ALK: variants seen among roughly 807,000 people sequenced by gnomAD.
ALK encodes the protein ALK tyrosine kinase receptor.
A neutral mutation model predicts 163.1 loss-of-function variants in ALK; 74 were observed. That is an observed-to-expected ratio of 0.45 (90% CI 0.38 to 0.55). The LOEUF (loss-of-function observed/expected upper bound fraction) is 0.55. Ranked by LOEUF, ALK falls within the 20% of genes least tolerant of loss-of-function variation. ALK has a pLI of 0.00. For synonymous variants in ALK, 960 were observed against 843.2 expected (o/e 1.14, Z -2.40); for missense variants, 2,063 against 2,105.3 (o/e 0.98, Z 0.39).
chr2:29,874,441 A>G (rs1440019073), intron 1 of ALK, among the ~76,000 whole-genome samples: 2 of 152,212 alleles, frequency 1.3e-5, no homozygotes, highest in Non-Finnish European at 2.9e-5. Flanking sequence ...GAACTCAGAC[A>G]ACATGAAAAT....
At chr2:29,824,169 C>A (rs1271930654) in intron 1 of ALK, among the ~76,000 whole-genome samples, 1 of 152,202 alleles carries the variant, frequency 6.6e-6, no homozygotes, top group Non-Finnish European at 1.5e-5. Context: ...TGCAGGTACA[C>A]AGAAGTCAAG....
intron 8 of ALK, among the ~76,000 whole-genome samples, chr2:29,307,867 A>T (rs987709432): frequency 2.0e-5 from 3 of 152,234 alleles, no homozygotes; most frequent in Non-Finnish European, 4.4e-5. Context: ...CAGGATACTT[A>T]AAAGATCAGG....
chr2:29,523,767 G>C (rs764236110), intron 4 of ALK, among the ~76,000 whole-genome samples: 2 of 150,924 alleles, frequency 1.3e-5, no homozygotes, highest in Non-Finnish European at 2.9e-5. Context: ...ATCCAGGGCA[G>C]AGTGAGAAAG....
At chr2:29,665,000 T>A (rs1476899819) in intron 3 of ALK, among the ~76,000 whole-genome samples, 4 of 147,124 alleles carry the variant, frequency 2.7e-5, no homozygotes, top group African/African-American at 1.1e-4. Context: ...TTTTTCTTTT[T>A]TTCTTTTTTT....
chr2:29,894,833 A>AACACAC (rs762896113), intron 1 of ALK, among the ~76,000 whole-genome samples: 1 of 149,982 alleles, frequency 6.7e-6, no homozygotes, highest in Non-Finnish European at 1.5e-5. Flanking sequence ...TGATGCTTCA[A>AACACAC]ACACACACAC....
chr2:29,217,951 T>C (rs1669686234), intron 23 of ALK, among the ~76,000 whole-genome samples: 2 of 152,202 alleles, frequency 1.3e-5, no homozygotes, highest in African/African-American at 4.8e-5. Flanking sequence ...TTTACTGATA[T>C]TAGTCCTGTC....
At chr2:29,716,968 C>T (rs1413884461) in intron 2 of ALK, among the ~76,000 whole-genome samples, 2 of 117,274 alleles carry the variant, frequency 1.7e-5, no homozygotes, top group African/African-American at 6.7e-5. Context: ...CACAGTAACA[C>T]AGTCAAACCC....
At chr2:29,705,551 G>C (rs57743653) in intron 2 of ALK, among the ~76,000 whole-genome samples, 9,114 of 151,766 alleles carry the variant, frequency 0.06, 899 homozygotes, top group African/African-American at 0.21. Flanking sequence ...CAGGGGGCTG[G>C]GAGAGGCACC....
At chr2:29,823,516 A>T (rs1665108679) in intron 1 of ALK, among the ~76,000 whole-genome samples, 1 of 152,198 alleles carries the variant, frequency 6.6e-6, no homozygotes, top group African/African-American at 2.4e-5. Flanking sequence ...TGATAATGAT[A>T]TGGACAATGA....
At chr2:29,695,600 T>G (rs1678531593) in intron 2 of ALK, among the ~76,000 whole-genome samples, 1 of 152,110 alleles carries the variant, frequency 6.6e-6, no homozygotes, top group African/African-American at 2.4e-5. Context: ...GAGAAAAATT[T>G]TGCAATCTAT....
rs776021372 is a variant in ALK at position 29,296,867 on chromosome 2, G to A, written c.1817+21C>T. The A allele has an allele frequency of 5.6e-6, 9 of 1,613,892 alleles. No individual in the cohort carries two copies. In the Admixed American group the frequency reaches 1.5e-4, roughly 27 times the overall value. On this transcript the variant is annotated intron_variant, in intron 9 of 28. Coordinates refer to ENST00000389048, the MANE Select transcript of ALK (RefSeq NM_004304.5). ...TAGCTGATAGAGGAGAAGGGTATTG[G>A]GGGAGATGCATAGAGCCTACCTGTC...
chr2:29,846,479 C>G (rs1665847557), intron 1 of ALK, among the ~76,000 whole-genome samples: 1 of 152,212 alleles, frequency 6.6e-6, no homozygotes, highest in Non-Finnish European at 1.5e-5. Flanking sequence ...CTAGGATGAT[C>G]CTTGTCTAGA....
At chr2:29,415,990 C>T (rs1239446832) in intron 4 of ALK, among the ~76,000 whole-genome samples, 1 of 152,192 alleles carries the variant, frequency 6.6e-6, no homozygotes, top group Non-Finnish European at 1.5e-5. Context: ...ACCATCAGCT[C>T]CCCTGGATCT....
chr2:29,382,178 T>A (rs1205095062), intron 5 of ALK, among the ~76,000 whole-genome samples: 1 of 152,184 alleles, frequency 6.6e-6, no homozygotes, highest in African/African-American at 2.4e-5. Flanking sequence ...ATCTTCTCCC[T>A]CCTCTAAGAG....
intron 1 of ALK, among the ~76,000 whole-genome samples, chr2:29,843,300 A>T (rs1665749201): frequency 1.3e-5 from 2 of 152,114 alleles, no homozygotes; most frequent in Admixed American, 6.5e-5. Context: ...CTACTCCCAC[A>T]TACGGGGCAC....
intron 7 of ALK, 61 bp downstream of exon 7, chr2:29,320,690 C>T: frequency 1.2e-6 from 2 of 1,610,562 alleles, no homozygotes; most frequent in Non-Finnish European, 1.7e-6. Context: ...CCCTGAGTCT[C>T]CCATCTGTCT....
intron 4 of ALK, among the ~76,000 whole-genome samples, chr2:29,449,036 A>G (rs1670755785): frequency 6.6e-6 from 1 of 152,166 alleles, no homozygotes; most frequent in South Asian, 2.1e-4. Flanking sequence ...CATTTCATCC[A>G]GTATTGCACA....
intron 1 of ALK, among the ~76,000 whole-genome samples, chr2:29,793,833 T>C (rs930390575): frequency 1.3e-5 from 2 of 152,204 alleles, no homozygotes; most frequent in Admixed American, 6.5e-5. Context: ...CATTCAGCCC[T>C]TGTTGTTACA....
At chr2:29,757,793 G>T (rs75797285) in intron 1 of ALK, among the ~76,000 whole-genome samples, 1 of 152,074 alleles carries the variant, frequency 6.6e-6, no homozygotes, top group Non-Finnish European at 1.5e-5. Flanking sequence ...TTCTGGTTTG[G>T]TTTTGGTTGC....
Sources: allele counts gnomAD v4.1 joint callset (sites outside exome capture counted in the v4.1 genomes callset), GRCh38; gene constraint gnomAD v4.1.1; transcripts MANE v1.5; gene names NCBI Gene and HGNC (gene_info 2026-07-23, HGNC 2026-07-21).